OLA1: variants seen among roughly 807,000 people sequenced by gnomAD.
The protein encoded by OLA1 is obg-like ATPase 1.
Under a neutral mutation model 48.4 loss-of-function variants are expected in OLA1, and 14 were observed. The ratio of observed to expected loss-of-function variants is 0.29; its 90% CI spans 0.19 to 0.45. The LOEUF (loss-of-function observed/expected upper bound fraction) is 0.45. OLA1 is among the 20% of genes least tolerant of loss of function. The probability of loss-of-function intolerance (pLI) is 1.00; values close to 1 mark genes in which losing one functional copy is unlikely to be tolerated. For synonymous variants in OLA1, 127 were observed against 150.4 expected (o/e 0.84, Z 1.14); for missense variants, 325 against 467.1 (o/e 0.70, Z 2.80).
intron 4 of OLA1, among the ~76,000 whole-genome samples, chr2:174,210,895 A>C (rs765486525): frequency 6.6e-6 from 1 of 152,178 alleles, no homozygotes; most frequent in South Asian, 2.1e-4. Flanking sequence ...GAAAAAGAAA[A>C]GGCCATATGA....
At chr2:174,238,877 TA>T (rs1183224838) in intron 2 of OLA1, among the ~76,000 whole-genome samples, 4 of 152,006 alleles carry the variant, frequency 2.6e-5, no homozygotes, top group African/African-American at 9.6e-5. Flanking sequence ...ACTCAAAAAA[TA>T]AAGAGGACAT....
At chr2:174,093,802 CTT>C (rs1685182279) in intron 7 of OLA1, among the ~76,000 whole-genome samples, 1 of 152,204 alleles carries the variant, frequency 6.6e-6, no homozygotes, top group Admixed American at 6.5e-5. Context: ...ACAAGATAAA[CTT>C]ATATCTGGCC....
At chr2:174,157,790 T>C (rs936763457) in intron 4 of OLA1, among the ~76,000 whole-genome samples, 7 of 152,018 alleles carry the variant, frequency 4.6e-5, no homozygotes, top group African/African-American at 1.7e-4. Context: ...AAGATGATGG[T>C]CTGATTAAAT....
chr2:174,116,382 C>T (rs1429222586), intron 7 of OLA1, among the ~76,000 whole-genome samples: 1 of 152,076 alleles, frequency 6.6e-6, no homozygotes, highest in Non-Finnish European at 1.5e-5. Flanking sequence ...CTTTCTAGGT[C>T]AATTTAGAAT....
chr2:174,243,043 C>G (rs937755995), intron 2 of OLA1, among the ~76,000 whole-genome samples: 2 of 151,928 alleles, frequency 1.3e-5, no homozygotes, highest in African/African-American at 4.8e-5. Flanking sequence ...GAGTCTCGCT[C>G]TGTCACCCAG....
intron 2 of OLA1, among the ~76,000 whole-genome samples, chr2:174,246,256 TGC>T: frequency 6.7e-6 from 1 of 149,942 alleles, no homozygotes; most frequent in Non-Finnish European, 1.5e-5. Context: ...GTCAAGATCA[TGC>T]CACTGCATTC....
At chr2:174,195,441 G>A (rs959666902) in intron 4 of OLA1, among the ~76,000 whole-genome samples, 1 of 152,232 alleles carries the variant, frequency 6.6e-6, no homozygotes, top group Admixed American at 6.5e-5. Flanking sequence ...CATGCTGTCT[G>A]AAAGGCCTTC....
chr2:174,121,362 T>C (rs1685910698), intron 7 of OLA1, among the ~76,000 whole-genome samples: 1 of 152,152 alleles, frequency 6.6e-6, no homozygotes, highest in African/African-American at 2.4e-5. Context: ...GGGTAGTCAA[T>C]GGCTAGCTTG....
intron 2 of OLA1, among the ~76,000 whole-genome samples, chr2:174,238,669 A>G (rs1348640868): frequency 6.6e-6 from 1 of 152,168 alleles, no homozygotes; most frequent in Non-Finnish European, 1.5e-5. Context: ...GCAGTCCTCA[A>G]TAGTTAAATA....
intron 4 of OLA1, among the ~76,000 whole-genome samples, chr2:174,158,285 G>A (rs1686933152): frequency 6.6e-6 from 1 of 152,106 alleles, no homozygotes; most frequent in Admixed American, 6.6e-5. Context: ...GGTTCATCCT[G>A]TCATTTCATT....
chr2:174,166,391 T>C (rs193176491), intron 4 of OLA1, among the ~76,000 whole-genome samples: 1 of 152,094 alleles, frequency 6.6e-6, no homozygotes, highest in Non-Finnish European at 1.5e-5. Flanking sequence ...AGCAAGCAGA[T>C]ACAAGAAGAC....
At chr2:174,153,426 A>C (rs767221596) in intron 4 of OLA1, among the ~76,000 whole-genome samples, 4 of 152,232 alleles carry the variant, frequency 2.6e-5, no homozygotes, top group Non-Finnish European at 4.4e-5. Context: ...CATGAAAAAC[A>C]TTAAAATTGG....
intron 4 of OLA1, among the ~76,000 whole-genome samples, chr2:174,214,000 C>T (rs1188944013): frequency 1.3e-5 from 2 of 151,126 alleles, no homozygotes; most frequent in South Asian, 2.1e-4. Flanking sequence ...TTAAAACCTA[C>T]TTTCACCAAA....
In OLA1 at chr2:174,246,704, C is replaced by T. The variant is rs377318797; in HGVS notation, c.101+11G>A. 31 of 1,550,630 alleles carry T rather than the reference C, an allele frequency of 2.0e-5. No individual in the cohort carries two copies. The African/African-American group carries it at 3.9e-4, about 20-fold the overall frequency. On this transcript the variant is annotated intron_variant, in intron 2 of 10. Coordinates refer to ENST00000284719, the MANE Select transcript of OLA1 (RefSeq NM_013341.5). ...AAAATGAAAATCACAAAAGCCCCAA[C>T]GTTCACCTACCCAACATTTGGCAAT...
At chr2:174,192,069 G>T (rs1687788736) in intron 4 of OLA1, among the ~76,000 whole-genome samples, 1 of 151,994 alleles carries the variant, frequency 6.6e-6, no homozygotes, top group Admixed American at 6.5e-5. Context: ...TCTGACTTGT[G>T]CTAAGGATTT....
intron 7 of OLA1, among the ~76,000 whole-genome samples, chr2:174,102,358 T>C (rs1250050041): frequency 6.6e-6 from 1 of 151,812 alleles, no homozygotes; most frequent in East Asian, 1.9e-4. Flanking sequence ...AATTCCACAA[T>C]TACTAATCCC....
intron 7 of OLA1, among the ~76,000 whole-genome samples, chr2:174,120,047 A>C (rs1340231250): frequency 6.6e-6 from 1 of 152,128 alleles, no homozygotes; most frequent in Non-Finnish European, 1.5e-5. Flanking sequence ...ATAAATAATA[A>C]AATATAATTA....
chr2:174,094,567 G>A (rs1685201038), intron 7 of OLA1, among the ~76,000 whole-genome samples: 1 of 152,170 alleles, frequency 6.6e-6, no homozygotes, highest in Non-Finnish European at 1.5e-5. Flanking sequence ...GGCAGCACTG[G>A]CACGAGACTA....
intron 7 of OLA1, among the ~76,000 whole-genome samples, chr2:174,109,121 G>A (rs1229330760): frequency 2.0e-5 from 3 of 152,092 alleles, no homozygotes; most frequent in African/African-American, 7.2e-5. Context: ...TGTAACTATT[G>A]AATATTTCAT....
Sources: allele counts gnomAD v4.1 joint callset (sites outside exome capture counted in the v4.1 genomes callset), GRCh38; gene constraint gnomAD v4.1.1; transcripts MANE v1.5; gene names NCBI Gene and HGNC (gene_info 2026-07-23, HGNC 2026-07-21).